IQSEC3: variants seen among roughly 807,000 people sequenced by gnomAD.
The protein encoded by IQSEC3 is IQ motif and SEC7 domain-containing protein 3.
Under a neutral mutation model 105.4 loss-of-function variants are expected in IQSEC3, and 50 were observed. That is an observed-to-expected ratio of 0.47 (90% CI 0.38 to 0.60). The LOEUF is 0.60. Among genes scored for constraint, IQSEC3 ranks in the 20% least tolerant of loss-of-function variants. The pLI, the probability that IQSEC3 is intolerant of heterozygous loss-of-function variation, is 0.00. For missense variants in IQSEC3, 1,415 were observed against 1,630.0 expected (o/e 0.87, Z 2.27); for synonymous variants, 708 against 746.0 (o/e 0.95, Z 0.83).
At chr12:142,937 C>G (rs1328372041) in intron 5 of IQSEC3, among the ~76,000 whole-genome samples, 1 of 152,228 alleles carries the variant, frequency 6.6e-6, no homozygotes, top group Non-Finnish European at 1.5e-5. Context: ...TCTCTCTGCT[C>G]TGGGGGCAGG....
chr12:170,173 C>T (rs187305697), intron 12 of IQSEC3, among the ~76,000 whole-genome samples: 8 of 152,318 alleles, frequency 5.3e-5, no homozygotes, highest in South Asian at 4.1e-4. Context: ...ATCGTGCGTC[C>T]GTAATTCTCC....
Position 174,733 on chromosome 12 carries a change from A to C in IQSEC3, c.3249A>C (p.Pro1083=). Residue 1083 remains proline (P), a synonymous_variant, in exon 14 of 14, where the codon CCA becomes CCC. Coordinates refer to ENST00000538872, the MANE Select transcript of IQSEC3 (RefSeq NM_001170738.2). ...AGACCCCACCACTGCCGCCGCCGCCACCCACGCCCCCGGGCACCCTGGTGC... is the reference window on the plus strand; with the variant it reads ...AGACCCCACCACTGCCGCCGCCGCCCCCCACGCCCCCGGGCACCCTGGTGC... ...RQQTPPLPPP[P]PTPPGTLVQC... 6.3e-7 allele frequency: 1 copy of C among 1,583,706 alleles called. No homozygotes were observed. The highest frequency in any genetic ancestry group is 8.5e-7 in the Non-Finnish European group (1 of 1,173,688).
intron 5 of IQSEC3, among the ~76,000 whole-genome samples, chr12:147,276 G>A (rs144766109): frequency 1.3e-5 from 2 of 152,164 alleles, no homozygotes; most frequent in East Asian, 1.9e-4. Flanking sequence ...GACCAAGCAG[G>A]CCGTGAAATA....
chr12:115,069 G>A lies in IQSEC3; in HGVS notation c.624-10564G>A, dbSNP rs544035252. On this transcript the variant is annotated intron_variant, in intron 2 of 13. Transcript: ENST00000538872. The stretch of plus-strand genomic sequence containing the variant: ...ACCACTGAAGATAAGGACGTTAACT[G>A]CAGGGAAACAAGTGGGGAATCTTGC... 3.3e-5 allele frequency among the ~76,000 whole-genome samples: 5 copies of A among 152,342 alleles called. No individual in the cohort carries two copies. In the South Asian group the frequency reaches 1.0e-3, roughly 32 times the overall value.
chr12:91,197 C>T (rs1392949648), intron 1 of IQSEC3, among the ~76,000 whole-genome samples: 1 of 152,174 alleles, frequency 6.6e-6, no homozygotes, highest in East Asian at 1.9e-4. Flanking sequence ...GCACCTCCCT[C>T]CCGCTCAAGC....
chr12:140,864 G>A (rs1354895614), intron 4 of IQSEC3: 8 of 446,034 alleles, frequency 1.8e-5, no homozygotes, highest in African/African-American at 1.6e-4. Flanking sequence ...AGACCCAGGA[G>A]GCAGGGACAG....
intron 5 of IQSEC3, among the ~76,000 whole-genome samples, chr12:144,998 A>C (rs782525173): frequency 2.6e-5 from 4 of 152,170 alleles, no homozygotes; most frequent in Non-Finnish European, 4.4e-5. Flanking sequence ...CACCTGGCTA[A>C]TTGTTAAATA....
intron 2 of IQSEC3, 124 bp from the exon 3 acceptor site, chr12:125,508 AC>A (rs1555082954): frequency 3.1e-6 from 3 of 968,936 alleles, no homozygotes; most frequent in Non-Finnish European, 2.8e-6. Context: ...TGTGAAAGAC[AC>A]CCCCTCCAGT....
intron 6 of IQSEC3, 125 bp downstream of exon 6, chr12:157,272 G>T: frequency 7.4e-7 from 1 of 1,343,398 alleles, no homozygotes; most frequent in Non-Finnish European, 9.9e-7. Flanking sequence ...CACCCCTTCT[G>T]GTGTGGGCAG....
At chr12:92,963 T>C (rs925432454) in intron 1 of IQSEC3, among the ~76,000 whole-genome samples, 2 of 152,236 alleles carry the variant, frequency 1.3e-5, no homozygotes, top group African/African-American at 4.8e-5. Context: ...CTTTCTGTCA[T>C]TTTCACAGAT....
intron 1 of IQSEC3, among the ~76,000 whole-genome samples, chr12:75,558 G>C (rs1207252035): frequency 1.3e-5 from 2 of 152,162 alleles, no homozygotes; most frequent in African/African-American, 2.4e-5. Flanking sequence ...TAATTTTTTG[G>C]ATGGTGAAAT....
At chr12:151,542 T>C (rs928548819) in intron 5 of IQSEC3, among the ~76,000 whole-genome samples, 1 of 152,194 alleles carries the variant, frequency 6.6e-6, no homozygotes, top group Admixed American at 6.5e-5. Flanking sequence ...GCTTCTGTCT[T>C]CTTCCCTGCC....
intron 2 of IQSEC3, among the ~76,000 whole-genome samples, chr12:106,086 G>A (rs1864639580): frequency 6.6e-6 from 1 of 152,244 alleles, no homozygotes; most frequent in African/African-American, 2.4e-5. Flanking sequence ...CATGTCCTGA[G>A]TGCTTGCTAT....
intron 1 of IQSEC3, among the ~76,000 whole-genome samples, chr12:93,751 C>T (rs782196566): frequency 6.6e-6 from 1 of 152,152 alleles, no homozygotes; most frequent in Non-Finnish European, 1.5e-5. Flanking sequence ...GGGCCTAACT[C>T]GAGGTATCTG....
chr12:148,285 C>A (rs1164013010), intron 5 of IQSEC3: 1 of 152,218 alleles, frequency 6.6e-6, no homozygotes, highest in Admixed American at 6.5e-5. Context: ...CCGCTCCAGG[C>A]CCACTGAATC....
chr12:144,977 A>G (rs1220032911), intron 5 of IQSEC3, among the ~76,000 whole-genome samples: 1 of 152,238 alleles, frequency 6.6e-6, no homozygotes, highest in Non-Finnish European at 1.5e-5. Context: ...AACCACTGGC[A>G]TGTGCCACCA....
intron 1 of IQSEC3, among the ~76,000 whole-genome samples, chr12:86,304 G>C (rs1269149527): frequency 6.6e-6 from 1 of 152,184 alleles, no homozygotes; most frequent in Non-Finnish European, 1.5e-5. Flanking sequence ...GATTCTGGAT[G>C]TCTAGATTTC....
At chr12:133,787 G>A (rs1555085646) in intron 3 of IQSEC3, among the ~76,000 whole-genome samples, 1 of 151,476 alleles carries the variant, frequency 6.6e-6, no homozygotes, top group African/African-American at 2.4e-5. Context: ...GGCTAGGGCA[G>A]GGTTGGGTCA....
intron 12 of IQSEC3, among the ~76,000 whole-genome samples, chr12:169,757 C>T (rs1938871994): frequency 6.6e-6 from 1 of 152,218 alleles, no homozygotes; most frequent in Non-Finnish European, 1.5e-5. Context: ...TTTCCACCAC[C>T]TCCCTCCACC....
Sources: gnomAD v4.1 joint callset for allele counts (sites outside exome capture counted in the v4.1 genomes callset) on GRCh38, gnomAD v4.1.1 for gene constraint, MANE v1.5 for transcripts, NCBI Gene and HGNC (gene_info 2026-07-23, HGNC 2026-07-21) for gene names.